Variants in KDM4A observed in about 807,000 individuals in gnomAD.
The protein encoded by KDM4A is lysine demethylase 4A, also known as lysine-specific demethylase 4A.
Under a neutral mutation model 127.1 loss-of-function variants are expected in KDM4A, and 23 were observed. That is an observed-to-expected ratio of 0.18 (90% CI 0.13 to 0.26). The LOEUF is 0.26. Ranked by LOEUF, KDM4A falls within the 10% of genes least tolerant of loss-of-function variation. The probability of loss-of-function intolerance (pLI) is 1.00; values close to 1 mark genes in which losing one functional copy is unlikely to be tolerated. For synonymous variants in KDM4A, 443 were observed against 466.5 expected (o/e 0.95, Z 0.65); for missense variants, 890 against 1,329.1 (o/e 0.67, Z 5.14).
Position 43,683,455 on chromosome 1 carries a change from C to A in KDM4A, c.1735-229C>A, listed in dbSNP as rs59789537. ...GGTTTCAGGCTGCTCCTAAGAAGGC[C>A]AAGAACTACACTTGGGTTTTGCCCT... is the stretch of plus-strand genomic sequence containing the variant. On this transcript the variant is annotated intron_variant, in intron 11 of 21. Coordinates refer to ENST00000372396, the MANE Select transcript of KDM4A (RefSeq NM_014663.3). Among the ~76,000 whole-genome samples the A allele has an allele frequency of 9.9e-3, 1,511 of 152,340 alleles. 23 individuals are homozygous for A. The highest frequency in any genetic ancestry group is 0.035 in the African/African-American group (1,444 of 41,580).
At chr1:43,691,611 C>CT (rs1661113208) in intron 15 of KDM4A, 39 bp downstream of exon 15, 2 of 1,558,118 alleles carry the variant, frequency 1.3e-6, no homozygotes, top group Non-Finnish European at 1.8e-6. Flanking sequence ...CACCATGAGT[C>CT]TTGGTGCATA....
At chr1:43,677,448 A>G (rs1181339817) in intron 11 of KDM4A, among the ~76,000 whole-genome samples, 2 of 152,052 alleles carry the variant, frequency 1.3e-5, no homozygotes, top group Non-Finnish European at 2.9e-5. Context: ...ATAATTTACT[A>G]TCCAGTCCAT....
chr1:43,673,548 T>C (rs544996457), intron 11 of KDM4A, among the ~76,000 whole-genome samples: 3 of 152,300 alleles, frequency 2.0e-5, no homozygotes, highest in African/African-American at 7.2e-5. Context: ...TCTCGGTGCC[T>C]TCTCTGAATC....
At chr1:43,683,656 C>A in intron 11 of KDM4A, 28 bp from the exon 12 acceptor site, 4 of 1,607,186 alleles carry the variant, frequency 2.5e-6, no homozygotes, top group Non-Finnish European at 3.4e-6. Flanking sequence ...GGAGACAAGA[C>A]CAATTTAATT....
intron 16 of KDM4A, among the ~76,000 whole-genome samples, chr1:43,692,718 C>T (rs1430882049): frequency 6.6e-6 from 1 of 152,178 alleles, no homozygotes; most frequent in East Asian, 1.9e-4. Context: ...CTGGCTCAGA[C>T]CTGCTGTTTG....
In KDM4A at chr1:43,666,966, G is replaced by A; in HGVS notation, c.790G>A (p.Ala264Thr). The change falls in exon 8 of 22, where the codon GCT becomes ACT. Residue 264 changes from alanine (A) to threonine (T), a missense_variant. Ala to Thr is a moderately conservative substitution (Grantham distance 58). Transcript: ENST00000372396. ...GIPFDKVTQE[A>T]GEFMITFPYG... The stretch of plus-strand genomic sequence containing the variant: ...TGCTCTTGTTCAGGTGACTCAAGAG[G>A]CTGGAGAGTTTATGATCACTTTCCC... 6.2e-7 allele frequency: 1 copy of A among 1,614,050 alleles called. No individual in the cohort carries two copies. The highest frequency in any genetic ancestry group is 8.5e-7 in the Non-Finnish European group (1 of 1,179,942).
intron 11 of KDM4A, among the ~76,000 whole-genome samples, chr1:43,683,145 T>G (rs945658561): frequency 6.6e-6 from 1 of 152,252 alleles, no homozygotes; most frequent in Admixed American, 6.5e-5. Context: ...ATGAACAGTA[T>G]CTGCTAGCGC....
At chr1:43,665,769 G>C in intron 6 of KDM4A, 24 bp downstream of exon 6, 3 of 1,613,106 alleles carry the variant, frequency 1.9e-6, no homozygotes, top group Non-Finnish European at 2.5e-6. Context: ...TCTGTTTGCT[G>C]GATTGGACCC....
Position 43,694,214 on chromosome 1 carries a change from G to A in KDM4A, c.2484+112G>A. 1.2e-6 allele frequency: 1 copy of A among 825,068 alleles called. No individual in the cohort carries two copies. The highest frequency in any genetic ancestry group is 2.0e-6 in the Non-Finnish European group (1 of 512,700). The allele number at this position is 825,068 out of a possible 1,614,324, so 51.1% of individuals were successfully genotyped here. On this transcript the variant is annotated intron_variant, in intron 17 of 21. Transcript: ENST00000372396. The surrounding 1 kb of genome is among the most constrained non-coding windows in gnomAD (Gnocchi z 5.2). ...GGTTAGAGTTTGTGATTCTCACTCT[G>A]TGGTTAGATTCCTTAGTGGAGGCCA...
In KDM4A at chr1:43,668,226, G is replaced by C. The variant is rs528176878; in HGVS notation, c.1163+207G>C. 3.3e-5 allele frequency among the ~76,000 whole-genome samples: 5 copies of C among 152,146 alleles called. No homozygotes were observed. In the East Asian group the frequency reaches 9.7e-4, roughly 29 times the overall value. On this transcript the variant is annotated intron_variant, in intron 9 of 21. Coordinates refer to ENST00000372396, the MANE Select transcript of KDM4A (RefSeq NM_014663.3). ...CTGCAAGCCCCGCCTCCCGGGTTCA[G>C]GCCATTCTTCTGCCTCAGCCTCCCG... is the stretch of plus-strand genomic sequence containing the variant.
At position 43,691,004 on chromosome 1, in the gene KDM4A, A is replaced by G; in HGVS notation, c.2197A>G (p.Ser733Gly). The stretch of plus-strand genomic sequence containing the variant: ...TCCTTATCTTGAGGAGGATGGCACC[A>G]GCATACTCGTTTCCTGCAAGAAGTG... ...STPYLEEDGTSILVSCKKCSV... is the reference protein window; with the variant it reads ...STPYLEEDGTGILVSCKKCSV... Residue 733 changes from serine (S) to glycine (G), a missense_variant, in exon 14 of 22, where the codon AGC becomes GGC. By Grantham distance (56) the Ser-to-Gly change is moderately conservative. Coordinates refer to ENST00000372396, the MANE Select transcript of KDM4A (RefSeq NM_014663.3). 6.2e-7 allele frequency: 1 copy of G among 1,614,214 alleles called. No homozygotes were observed. Among genetic ancestry groups the G allele is most frequent in the Non-Finnish European group, 8.5e-7 (1 of 1,180,040 alleles).
rs950279523 is a variant in KDM4A at position 43,694,936 on chromosome 1, A to G, written c.2670+42A>G. The G allele has an allele frequency of 2.3e-5, 36 of 1,540,534 alleles. No homozygotes were observed. Among genetic ancestry groups the G allele is most frequent in the Non-Finnish European group, 3.0e-5 (34 of 1,128,804 alleles). On this transcript the variant is annotated intron_variant, in intron 18 of 21. Transcript: ENST00000372396. The surrounding 1 kb of genome is among the most constrained non-coding windows in gnomAD (Gnocchi z 5.2). The stretch of plus-strand genomic sequence containing the variant: ...TTCTAGAATCCTCTTGACAGTTTTC[A>G]TGGTCATTTTCTCTGCATGTTTTCC...
chr1:43,666,593 C>G, intron 7 of KDM4A, 38 bp downstream of exon 7: 1 of 1,504,040 alleles, frequency 6.6e-7, no homozygotes, highest in Non-Finnish European at 9.3e-7. Flanking sequence ...TCAGGCACCA[C>G]CCTTTCTGGC....
At chr1:43,679,542 G>A (rs1660812483) in intron 11 of KDM4A, among the ~76,000 whole-genome samples, 1 of 152,102 alleles carries the variant, frequency 6.6e-6, no homozygotes, top group Admixed American at 6.5e-5. Context: ...GCATCCCCAA[G>A]CTGTAATCTG....
intron 8 of KDM4A, 25 bp from the exon 9 acceptor site, chr1:43,667,747 G>C (rs759675868): frequency 1.2e-6 from 2 of 1,613,874 alleles, no homozygotes; most frequent in Non-Finnish European, 1.7e-6. Context: ...TGCTCACCTG[G>C]TGCTCTTCTG....
At position 43,691,476 on chromosome 1, in the gene KDM4A, C is replaced by T. The variant is rs1661108650; in HGVS notation, c.2243-20C>T. ...CTCTGACCACTGGGTTTAATTTGCT[C>T]ATCTTGGTGTCCCTGTTAGGTTGCT... On this transcript the variant is annotated intron_variant, in intron 14 of 21. Coordinates refer to ENST00000372396, the MANE Select transcript of KDM4A (RefSeq NM_014663.3). The T allele has an allele frequency of 1.2e-6, 2 of 1,604,644 alleles. No individual in the cohort carries two copies. Among genetic ancestry groups the T allele is most frequent in the Non-Finnish European group, 1.7e-6 (2 of 1,171,716 alleles).
In KDM4A at chr1:43,688,809, G is replaced by A. The variant is rs1487638221; in HGVS notation, c.1856-105G>A. ...CTTAGGAATTCAGGAGTCACCCTTG[G>A]TCCAAACCTAGGATCAGGAGTCCTA... On this transcript the variant is annotated intron_variant, in intron 12 of 21. Coordinates refer to ENST00000372396, the MANE Select transcript of KDM4A (RefSeq NM_014663.3). This position sits in a 1 kb window ranked among gnomAD's most constrained non-coding sequence, Gnocchi z 4.4. 1 of 1,056,194 alleles carries A rather than the reference G, an allele frequency of 9.5e-7. No individual in the cohort carries two copies. Among genetic ancestry groups the A allele is most frequent in the South Asian group, 1.6e-5 (1 of 64,310 alleles). The allele number at this position is 1,056,194 out of a possible 1,614,324, so 65.4% of individuals were successfully genotyped here. A position where few individuals can be genotyped will look rare whatever the true frequency, so the allele number is the denominator to read the frequency against.
At chr1:43,652,921 C>A (rs1161229691) in intron 1 of KDM4A, among the ~76,000 whole-genome samples, 2 of 151,906 alleles carry the variant, frequency 1.3e-5, no homozygotes, top group Non-Finnish European at 2.9e-5. Flanking sequence ...TGACCTCAGG[C>A]GATGCACCCG....
intron 2 of KDM4A, among the ~76,000 whole-genome samples, chr1:43,655,266 T>G (rs1052087111): frequency 6.6e-6 from 1 of 152,184 alleles, no homozygotes; most frequent in Non-Finnish European, 1.5e-5. Flanking sequence ...AAGTTGTGTT[T>G]GTGATTTTTT....
Sources: allele counts gnomAD v4.1 joint callset (sites outside exome capture counted in the v4.1 genomes callset), GRCh38; gene constraint gnomAD v4.1.1; non-coding constraint Gnocchi (gnomAD v3.1); transcripts MANE v1.5; gene names NCBI Gene and HGNC (gene_info 2026-07-23, HGNC 2026-07-21).